ZBTB40: variants seen among roughly 807,000 people sequenced by gnomAD.
The protein encoded by ZBTB40 is zinc finger and BTB domain-containing protein 40.
In ZBTB40, 60 loss-of-function variants were observed where a neutral mutation model predicts 117.5. The ratio of observed to expected loss-of-function variants is 0.51; its 90% CI spans 0.41 to 0.63. The LOEUF (loss-of-function observed/expected upper bound fraction) is 0.63, where lower values mean the gene tolerates loss of function less well. Among genes scored for constraint, ZBTB40 ranks in the 30% least tolerant of loss-of-function variants. The probability of loss-of-function intolerance (pLI) is 0.00; values close to 1 mark genes in which losing one functional copy is unlikely to be tolerated. For synonymous variants in ZBTB40, 525 were observed against 577.1 expected, an observed-to-expected ratio of 0.91 and a Z score of 1.29; for missense variants, 1,287 against 1,498.5, an observed-to-expected ratio of 0.86 and a Z score of 2.33.
intron 17 of ZBTB40, 70 bp from the exon 18 acceptor site, chr1:22,526,132 G>A: frequency 1.3e-6 from 2 of 1,557,022 alleles, no homozygotes; most frequent in Non-Finnish European, 1.8e-6. Flanking sequence ...AGCATGAGAT[G>A]AAAACCATGT....
In ZBTB40 at chr1:22,513,225, A is replaced by G. The variant is rs946662839; in HGVS notation, c.2668+95A>G. ...GGTGTGATATATATCTCAAAAACAA[A>G]ACAATTTGATAGCACAACAGGGTGA... is the stretch of plus-strand genomic sequence containing the variant. On this transcript the variant is annotated intron_variant, in intron 12 of 17. Transcript: ENST00000375647. This position sits in a 1 kb window ranked among gnomAD's most constrained non-coding sequence, Gnocchi z 4.9. 28 of 1,370,062 alleles carry G rather than the reference A, an allele frequency of 2.0e-5. No homozygotes were observed. The African/African-American group carries it at 3.9e-4, about 19-fold the overall frequency. The allele number at this position is 1,370,062 out of a possible 1,614,324, so 84.9% of individuals were successfully genotyped here.
rs563181661 is a variant in ZBTB40, at chr1:22,431,101, G to T, written c.-70+2087G>T. ...TCTCTTCTTTATCAGTTTCTGAGAG[G>T]GTTATGTTTATATCTCCAACTGCCA... On this transcript the variant is annotated intron_variant, in intron 1 of 8. Coordinates refer to the ZBTB40 transcript ENST00000650433. Among the ~76,000 whole-genome samples the T allele has an allele frequency of 1.1e-4, 16 of 151,448 alleles. 1 individual carries two copies. Among genetic ancestry groups the T allele is most frequent in the African/African-American group, 3.9e-4 (16 of 41,312 alleles).
At chr1:22,455,394 A>G (rs1228296713) in intron 1 of ZBTB40, among the ~76,000 whole-genome samples, 1 of 152,228 alleles carries the variant, frequency 6.6e-6, no homozygotes, top group Non-Finnish European at 1.5e-5. Flanking sequence ...GCAATAATAA[A>G]TCAAGGGAAC....
At chr1:22,475,677 C>G (rs1641536123) in intron 1 of ZBTB40, among the ~76,000 whole-genome samples, 1 of 152,056 alleles carries the variant, frequency 6.6e-6, no homozygotes, top group Non-Finnish European at 1.5e-5. Flanking sequence ...CTTCTTGACT[C>G]TTGTGGATTG....
At chr1:22,464,833 C>T (rs562335472) in intron 1 of ZBTB40, among the ~76,000 whole-genome samples, 10 of 150,568 alleles carry the variant, frequency 6.6e-5, no homozygotes, top group African/African-American at 2.2e-4. Flanking sequence ...CATTTTCCTA[C>T]GTCATTAAAA....
At chr1:22,501,453 G>T (rs1233230945) in intron 3 of ZBTB40, 39 bp from the exon 4 acceptor site, 3 of 1,611,566 alleles carry the variant, frequency 1.9e-6, no homozygotes, top group African/African-American at 2.7e-5. Flanking sequence ...GGTTCTTGTG[G>T]TTCGCTAATC....
At chr1:22,479,439 T>A (rs1638229558) in intron 1 of ZBTB40, among the ~76,000 whole-genome samples, 1 of 152,218 alleles carries the variant, frequency 6.6e-6, no homozygotes, top group Admixed American at 6.5e-5. Flanking sequence ...GTTTATCATA[T>A]AAATACTTGG....
intron 1 of ZBTB40, among the ~76,000 whole-genome samples, chr1:22,440,668 G>GTT (rs35646906): frequency 1.6e-4 from 23 of 147,244 alleles, no homozygotes; most frequent in African/African-American, 2.8e-4. Context: ...CTTGTTGAGT[G>GTT]TTTTTTTTTT....
rs1049534001 is a variant in ZBTB40, at chr1:22,521,479, T to G, written c.3049-17T>G. ...CTGGAACTTTCTAAGACCTAACACT[T>G]GCCAAATTCCTTGCAGCAATTGTCT... On this transcript the variant is annotated splice_polypyrimidine_tract_variant and intron_variant, in intron 14 of 17. Coordinates refer to ENST00000375647, the MANE Select transcript of ZBTB40 (RefSeq NM_014870.4). 6.2e-7 allele frequency: 1 copy of G among 1,614,202 alleles called. No homozygotes were observed.
intron 1 of ZBTB40, among the ~76,000 whole-genome samples, chr1:22,474,353 C>T (rs1464724722): frequency 1.3e-5 from 2 of 152,220 alleles, no homozygotes; most frequent in African/African-American, 4.8e-5. Flanking sequence ...GCATCTCTTA[C>T]ACTCCACATT....
At chr1:22,481,787 CAAAAAAAAA>C (rs766474050) in intron 1 of ZBTB40, among the ~76,000 whole-genome samples, 109 of 64,310 alleles carry the variant, frequency 1.7e-3, no homozygotes, top group African/African-American at 6.6e-3. Context: ...CTTGTTTTAC[CAAAAAAAAA>C]AAAAAAAAAA....
In ZBTB40 at chr1:22,455,777, C is replaced by T. The variant is rs150314460; in HGVS notation, c.-70+3773C>T. On this transcript the variant is annotated intron_variant, in intron 1 of 17. Transcript: ENST00000375647. ...ATTGCAGACAGGCAGCCCCGGAAAACGAGCCACACTTTGGCAACACTCACC... is the reference window on the plus strand; with the variant it reads ...ATTGCAGACAGGCAGCCCCGGAAAATGAGCCACACTTTGGCAACACTCACC... Among the ~76,000 whole-genome samples the T allele has an allele frequency of 9.7e-3, 1,481 of 151,912 alleles. 31 individuals are homozygous for T. Among genetic ancestry groups the T allele is most frequent in the African/African-American group, 0.034 (1,399 of 41,418 alleles).
At chr1:22,509,732 G>A (rs145865460) in intron 9 of ZBTB40, among the ~76,000 whole-genome samples, 1 of 152,310 alleles carries the variant, frequency 6.6e-6, no homozygotes, top group African/African-American at 2.4e-5. Context: ...CATGGCAGGT[G>A]ATGTTATCAC....
chr1:22,495,380 T>G (rs1638745399), intron 3 of ZBTB40, among the ~76,000 whole-genome samples: 1 of 152,198 alleles, frequency 6.6e-6, no homozygotes, highest in Non-Finnish European at 1.5e-5. Context: ...TAATATCCCT[T>G]ACGCATTAGA....
chr1:22,521,710 C>T (rs1490411026), intron 15 of ZBTB40, 52 bp downstream of exon 15: 1 of 1,611,478 alleles, frequency 6.2e-7, no homozygotes, highest in Non-Finnish European at 8.5e-7. Context: ...ATGGTGTAGC[C>T]TCCTGGGCCC....
intron 12 of ZBTB40, 127 bp from the exon 13 acceptor site, chr1:22,517,173 C>A: frequency 7.4e-7 from 1 of 1,344,584 alleles, no homozygotes; most frequent in Non-Finnish European, 1.0e-6. Flanking sequence ...GTATTGCAGA[C>A]TGCCTGATGT....
In ZBTB40 at chr1:22,455,770, C is replaced by T. The variant is rs777305568; in HGVS notation, c.-70+3766C>T. On this transcript the variant is annotated intron_variant, in intron 1 of 17. Transcript: ENST00000375647. The stretch of plus-strand genomic sequence containing the variant: ...AAGCATCATTGCAGACAGGCAGCCC[C>T]GGAAAACGAGCCACACTTTGGCAAC... Among the ~76,000 whole-genome samples, 5 of 151,728 alleles carry T rather than the reference C, an allele frequency of 3.3e-5. No homozygotes were observed. The East Asian group carries it at 9.8e-4, about 30-fold the overall frequency.
intron 1 of ZBTB40, among the ~76,000 whole-genome samples, chr1:22,442,452 A>G (rs1012416180): frequency 1.2e-4 from 18 of 151,138 alleles, no homozygotes; most frequent in African/African-American, 4.1e-4. Context: ...CCACAGTCAG[A>G]GGAGGCAGCC....
intron 1 of ZBTB40, among the ~76,000 whole-genome samples, chr1:22,433,445 A>AAAAAAAAAAAAAAAAAAAC (rs1640626337): frequency 1.1e-5 from 1 of 90,406 alleles, no homozygotes; most frequent in South Asian, 3.4e-4. Flanking sequence ...AAAAAAAAAA[A>AAAAAAAAAAAAAAAAAAAC]AAAAAAAAAA....
Sources: allele counts gnomAD v4.1 joint callset (sites outside exome capture counted in the v4.1 genomes callset), GRCh38; gene constraint gnomAD v4.1.1; non-coding constraint Gnocchi (gnomAD v3.1); transcripts MANE v1.5; gene names NCBI Gene and HGNC (gene_info 2026-07-23, HGNC 2026-07-21).